Variants in SLC2A10 observed in about 807,000 individuals in gnomAD.
The protein encoded by SLC2A10 is solute carrier family 2, facilitated glucose transporter member 10.
SLC2A10 carries 25 observed loss-of-function variants against 32.1 expected under a neutral mutation model. That is an observed-to-expected ratio of 0.78 (90% confidence interval 0.57 to 1.09). The LOEUF is 1.09. SLC2A10 is among the 50% of genes least tolerant of loss of function. SLC2A10 has a pLI of 0.00. For synonymous variants in SLC2A10, 332 were observed against 309.6 expected (o/e 1.07, Z -0.76); for missense variants, 673 against 686.5 (o/e 0.98, Z 0.22).
At position 46,725,473 on chromosome 20, in the gene SLC2A10, G is replaced by T; in HGVS notation, c.437G>T (p.Gly146Val). 1 of 1,614,158 alleles carries T rather than the reference G, an allele frequency of 6.2e-7. No homozygotes were observed. The highest frequency in any genetic ancestry group is 8.5e-7 in the Non-Finnish European group (1 of 1,180,020). ...VSLYEAGITVGILLSYALNYA... is the reference protein window; with the variant it reads ...VSLYEAGITVVILLSYALNYA... ...CTCTATGAGGCAGGCATCACCGTGG[G>T]CATCCTGCTCTCCTATGCCCTCAAC... Residue 146 changes from glycine (G) to valine (V), a missense_variant, in exon 2 of 5, where the codon GGC becomes GTC. Coordinates refer to ENST00000359271, the MANE Select transcript of SLC2A10 (RefSeq NM_030777.4).
intron 4 of SLC2A10, among the ~76,000 whole-genome samples, chr20:46,732,424 C>G (rs1396856048): frequency 6.6e-6 from 1 of 152,162 alleles, no homozygotes; most frequent in Non-Finnish European, 1.5e-5. Flanking sequence ...GGGAGAGACC[C>G]TGTCTCTGGA....
intron 1 of SLC2A10, 116 bp downstream of exon 1, chr20:46,709,856 C>A: frequency 7.9e-7 from 1 of 1,273,300 alleles, no homozygotes; most frequent in Non-Finnish European, 1.1e-6. Context: ...GCCGCCCCGG[C>A]CGGATACCGC....
rs745307904 is a variant in SLC2A10, at chr20:46,729,477, C to T, written c.1536C>T (p.Phe512=). Residue 512 remains phenylalanine (F), a synonymous_variant, in exon 4 of 5, where the codon TTC becomes TTT. Transcript: ENST00000359271. ...GQSLAEIDQQ[F]QKRRFTLSFG... is the part of the protein sequence containing the mutation. The stretch of plus-strand genomic sequence containing the variant: ...CGTTGGCAGAGATAGACCAGCAGTT[C>T]CAGAAGAGACGGTAGGAAGCTGACA... 3.0e-5 allele frequency: 48 copies of T among 1,613,918 alleles called. No homozygotes were observed. Among genetic ancestry groups the T allele is most frequent in the Non-Finnish European group, 4.1e-5 (48 of 1,180,006 alleles).
intron 4 of SLC2A10, 52 bp from the exon 5 acceptor site, chr20:46,733,704 G>T: frequency 2.0e-6 from 3 of 1,489,466 alleles, no homozygotes; most frequent in Non-Finnish European, 2.8e-6. Context: ...ACTCCCCAGG[G>T]ACGGCCCCAG....
chr20:46,728,287 T>C (rs899217573), intron 3 of SLC2A10, among the ~76,000 whole-genome samples: 17 of 152,168 alleles, frequency 1.1e-4, no homozygotes, highest in Non-Finnish European at 2.5e-4. Flanking sequence ...CATGGGAGGC[T>C]GCCTAAAGGA....
chr20:46,711,888 T>C (rs1225764749), intron 1 of SLC2A10, among the ~76,000 whole-genome samples: 2 of 152,192 alleles, frequency 1.3e-5, no homozygotes, highest in Admixed American at 6.5e-5. Flanking sequence ...TGAATTACAG[T>C]GCTCGGCTCA....
intron 1 of SLC2A10, among the ~76,000 whole-genome samples, chr20:46,715,894 C>T (rs1241277773): frequency 2.0e-5 from 3 of 152,098 alleles, no homozygotes; most frequent in South Asian, 2.1e-4. Context: ...TGCAGTGTCA[C>T]GATCATAGCT....
chr20:46,720,730 G>T (rs1191248335), intron 1 of SLC2A10, among the ~76,000 whole-genome samples: 2 of 152,048 alleles, frequency 1.3e-5, no homozygotes, highest in African/African-American at 4.8e-5. Flanking sequence ...AAAAATGTTT[G>T]AATGGATGCT....
intron 1 of SLC2A10, among the ~76,000 whole-genome samples, chr20:46,718,148 G>A (rs1398415747): frequency 2.6e-5 from 4 of 152,034 alleles, no homozygotes; most frequent in Admixed American, 6.5e-5. Context: ...ACTTGAGCCC[G>A]GGAGGCAGAG....
At chr20:46,718,481 C>A (rs1018220914) in intron 1 of SLC2A10, among the ~76,000 whole-genome samples, 1 of 152,032 alleles carries the variant, frequency 6.6e-6, no homozygotes, top group Non-Finnish European at 1.5e-5. Flanking sequence ...TCATTTTGTT[C>A]TAATTTTCCT....
upstream of SLC2A10, among the ~76,000 whole-genome samples, chr20:46,708,323 G>C (rs1312660879): frequency 6.6e-6 from 1 of 152,196 alleles, no homozygotes; most frequent in Non-Finnish European, 1.5e-5. Flanking sequence ...AACACGTATT[G>C]AGAGGCTGGA....
intron 4 of SLC2A10, among the ~76,000 whole-genome samples, chr20:46,733,342 A>C (rs1309621589): frequency 1.3e-5 from 2 of 152,142 alleles, no homozygotes; most frequent in Non-Finnish European, 2.9e-5. Flanking sequence ...CAAGGACACT[A>C]CCAAAAGGGA....
Position 46,725,274 on chromosome 20 carries a change from G to T in SLC2A10, c.238G>T (p.Gly80Trp), listed in dbSNP as rs369865870. The T allele has an allele frequency of 9.3e-6, 15 of 1,614,110 alleles. No individual in the cohort carries two copies. The South Asian group carries it at 1.5e-4, about 17-fold the overall frequency. ...CTATGGCAGGAAGCAAGCCATCCTCGGGAGCAACTTGGTGCTGCTGGCAGG... is the reference window on the plus strand; with the variant it reads ...CTATGGCAGGAAGCAAGCCATCCTCTGGAGCAACTTGGTGCTGCTGGCAGG... ...DCYGRKQAIL[G>W]SNLVLLAGSL... The change falls in exon 2 of 5, where the codon GGG becomes TGG. Residue 80 changes from glycine to tryptophan, a missense_variant. Gly to Trp is a radical substitution (Grantham distance 184). Coordinates refer to ENST00000359271, the MANE Select transcript of SLC2A10 (RefSeq NM_030777.4).
At chr20:46,724,280 C>A (rs1375714764) in intron 1 of SLC2A10, among the ~76,000 whole-genome samples, 1 of 152,202 alleles carries the variant, frequency 6.6e-6, no homozygotes, top group African/African-American at 2.4e-5. Flanking sequence ...GCCCTAAGAG[C>A]ACTTCCTGGC....
At chr20:46,722,357 A>G (rs561409896) in intron 1 of SLC2A10, among the ~76,000 whole-genome samples, 39 of 152,348 alleles carry the variant, frequency 2.6e-4, no homozygotes, top group Non-Finnish European at 5.3e-4. Context: ...AACAGGAGCC[A>G]TATCTCAGGT....
rs758106673 is a variant in SLC2A10, at chr20:46,725,543, C to T, written c.507C>T (p.Gly169=). 1.2e-6 allele frequency: 2 copies of T among 1,614,194 alleles called. No individual in the cohort carries two copies. The highest frequency in any genetic ancestry group is 1.7e-6 in the Non-Finnish European group (2 of 1,180,014). ...CCTGGGGATGGAGGCACATGTTCGG[C>T]TGGGCCACTGCACCTGCTGTCCTGC... is the stretch of plus-strand genomic sequence containing the variant. ...GTPWGWRHMF[G]WATAPAVLQS... The change falls in exon 2 of 5, where the codon GGC becomes GGT. Residue 169 remains glycine (G), a synonymous_variant. Transcript: ENST00000359271.
chr20:46,711,139 G>A (rs1978887304), intron 1 of SLC2A10, among the ~76,000 whole-genome samples: 1 of 152,222 alleles, frequency 6.6e-6, no homozygotes, highest in East Asian at 1.9e-4. Context: ...GATTACAGGC[G>A]TGAGCCTCCG....
intron 1 of SLC2A10, among the ~76,000 whole-genome samples, chr20:46,715,865 T>G (rs567357038): frequency 5.3e-5 from 8 of 152,272 alleles, no homozygotes; most frequent in African/African-American, 1.9e-4. Flanking sequence ...AGGGTCTCAG[T>G]CTGTCACCCA....
intron 1 of SLC2A10, among the ~76,000 whole-genome samples, chr20:46,720,227 T>C (rs1485005212): frequency 6.6e-6 from 1 of 152,116 alleles, no homozygotes; most frequent in Non-Finnish European, 1.5e-5. Flanking sequence ...AGAAAGAAGC[T>C]TAAGAATGTC....
Sources: allele counts gnomAD v4.1 joint callset (sites outside exome capture counted in the v4.1 genomes callset), GRCh38; gene constraint gnomAD v4.1.1; transcripts MANE v1.5; gene names NCBI Gene and HGNC (gene_info 2026-07-23, HGNC 2026-07-21).